LIMS1: variants seen among roughly 807,000 people sequenced by gnomAD.
LIMS1 encodes the protein LIM and senescent cell antigen-like-containing domain protein 1.
Under a neutral mutation model 44.1 loss-of-function variants are expected in LIMS1, and 18 were observed. The observed-to-expected ratio is 0.41, with a 90% CI of 0.28 to 0.61. The LOEUF (loss-of-function observed/expected upper bound fraction) is 0.61, where lower values mean the gene tolerates loss of function less well. Ranked by LOEUF, LIMS1 falls within the 20% of genes least tolerant of loss-of-function variation. LIMS1 has a pLI of 0.32. For missense variants in LIMS1, 201 were observed against 422.0 expected, an observed-to-expected ratio of 0.48 and a Z score of 4.59; for synonymous variants, 93 against 149.1, an observed-to-expected ratio of 0.62 and a Z score of 2.74.
chr2:108,548,343 T>C (rs1684559518), intron 1 of LIMS1, among the ~76,000 whole-genome samples: 1 of 152,188 alleles, frequency 6.6e-6, no homozygotes, highest in Admixed American at 6.5e-5. Context: ...AACTTTTTTG[T>C]CTTTTGGGCA....
chr2:108,595,324 A>G (rs1296260934), intron 1 of LIMS1, among the ~76,000 whole-genome samples: 2 of 152,102 alleles, frequency 1.3e-5, no homozygotes, highest in Non-Finnish European at 2.9e-5. Flanking sequence ...CCTTTTTCAG[A>G]TGAGGAGGTG....
chr2:108,548,742 T>C (rs1474484871), intron 1 of LIMS1, among the ~76,000 whole-genome samples: 1 of 152,232 alleles, frequency 6.6e-6, no homozygotes, highest in Non-Finnish European at 1.5e-5. Flanking sequence ...GATAATTTGC[T>C]CATTCATTTA....
At chr2:108,616,207 T>TTTC (rs1687923534) in intron 1 of LIMS1, among the ~76,000 whole-genome samples, 1 of 144,882 alleles carries the variant, frequency 6.9e-6, no homozygotes. Flanking sequence ...CTTTTTTTTT[T>TTTC]TTTTTTTTTT....
At chr2:108,544,923 A>C (rs1157343749) in intron 1 of LIMS1, among the ~76,000 whole-genome samples, 2 of 152,220 alleles carry the variant, frequency 1.3e-5, no homozygotes, top group African/African-American at 4.8e-5. Context: ...TCTTCAAAAA[A>C]CTGTTTAAAC....
At chr2:108,558,256 C>T (rs1684991168) in intron 1 of LIMS1, among the ~76,000 whole-genome samples, 1 of 149,364 alleles carries the variant, frequency 6.7e-6, no homozygotes. Context: ...CTTGTTCTGT[C>T]GCCCAGGCTG....
chr2:108,550,522 T>A (rs1684646816), intron 1 of LIMS1, among the ~76,000 whole-genome samples: 4 of 132,510 alleles, frequency 3.0e-5, no homozygotes, highest in Non-Finnish European at 4.8e-5. Context: ...TAAAAAAAAA[T>A]AAATAAATAA....
At chr2:108,674,251 A>G (rs11687820) in intron 5 of LIMS1, among the ~76,000 whole-genome samples, 51,598 of 151,848 alleles carry the variant, frequency 0.34, 9,416 homozygotes, top group Middle Eastern at 0.51. Flanking sequence ...AATGGCAGGA[A>G]CCCGGAAGGC....
At chr2:108,609,965 A>G (rs959755702) in intron 1 of LIMS1, among the ~76,000 whole-genome samples, 2 of 152,004 alleles carry the variant, frequency 1.3e-5, no homozygotes, top group Non-Finnish European at 2.9e-5. Flanking sequence ...ACATGGTGAA[A>G]CCCTGTCTCT....
intron 6 of LIMS1, 52 bp downstream of exon 6, chr2:108,676,080 AG>A: frequency 1.3e-6 from 2 of 1,539,360 alleles, no homozygotes; most frequent in Non-Finnish European, 1.8e-6. Flanking sequence ...TCCATGATTA[AG>A]GGGTAACCAA....
intron 1 of LIMS1, among the ~76,000 whole-genome samples, chr2:108,583,334 C>T (rs1200635514): frequency 2.0e-5 from 3 of 152,174 alleles, no homozygotes; most frequent in East Asian, 1.9e-4. Flanking sequence ...TAAATCACCA[C>T]GCCTGGCCCA....
intron 1 of LIMS1, among the ~76,000 whole-genome samples, chr2:108,624,803 G>T (rs1573480108): frequency 1.4e-5 from 2 of 145,332 alleles, no homozygotes; most frequent in Admixed American, 6.9e-5. Context: ...GGTAGGCCGG[G>T]TGCGGTGGCT....
At chr2:108,665,459 C>A (rs550693912) in intron 2 of LIMS1, among the ~76,000 whole-genome samples, 1 of 152,200 alleles carries the variant, frequency 6.6e-6, no homozygotes, top group Non-Finnish European at 1.5e-5. Flanking sequence ...CGGATGACTG[C>A]ATATGCTGAA....
At chr2:108,534,498 G>A (rs1684046268) in exon 1 of LIMS1, 2 of 1,156,776 alleles carry the variant, frequency 1.7e-6, no homozygotes, top group Non-Finnish European at 2.2e-6. Flanking sequence ...CGAGGGACTA[G>A]GACGCGGCTG....
intron 1 of LIMS1, among the ~76,000 whole-genome samples, chr2:108,552,135 C>G (rs1032377549): frequency 6.9e-6 from 1 of 144,334 alleles, no homozygotes; most frequent in Non-Finnish European, 1.5e-5. Flanking sequence ...ACTATATATA[C>G]TTAACTATAT....
chr2:108,637,099 A>ATGTGTG (rs74315160), intron 1 of LIMS1, among the ~76,000 whole-genome samples: 3,692 of 98,402 alleles, frequency 0.038, 64 homozygotes, highest in Middle Eastern at 0.064. Context: ...ATATACATAT[A>ATGTGTG]TGTGTGTGTG....
chr2:108,655,048 T>C, intron 1 of LIMS1: 1 of 1,611,858 alleles, frequency 6.2e-7, no homozygotes, highest in Middle Eastern at 2.3e-4. Flanking sequence ...TTCTCGTCCC[T>C]GTGCTCAGAG....
At chr2:108,618,823 CAAA>C (rs36086497) in intron 1 of LIMS1, among the ~76,000 whole-genome samples, 21 of 85,688 alleles carry the variant, frequency 2.5e-4, no homozygotes, top group South Asian at 4.0e-4. Context: ...GACTCCGTCT[CAAA>C]AAAAAAAAAA....
intron 1 of LIMS1, chr2:108,607,319 T>A: frequency 1.4e-6 from 2 of 1,443,724 alleles, no homozygotes; most frequent in South Asian, 1.2e-5. Flanking sequence ...AGAACATAAT[T>A]GAGCACACCA....
chr2:108,551,489 GCGCACACACACACA>G lies in LIMS1; in HGVS notation c.32+16897_32+16910del, dbSNP rs1172465480. Among the ~76,000 whole-genome samples, 44 of 111,968 alleles carry G rather than the reference GCGCACACACACACA, an allele frequency of 3.9e-4. 1 individual carries two copies. In the East Asian group the frequency reaches 5.4e-3, roughly 14 times the overall value. 73.5% of individuals were successfully genotyped at this position (111,968 alleles called of 152,430 possible). On this transcript the variant is annotated intron_variant, in intron 1 of 9. Coordinates refer to ENST00000544547, the Ensembl canonical transcript of LIMS1. ...ACTCTATATACATATATGCGCGCGCGCGCACACACACACACACACACACACACACACACACACAC... is the reference window on the plus strand; with the variant it reads ...ACTCTATATACATATATGCGCGCGCGCACACACACACACACACACACACAC...
Sources: gnomAD v4.1 joint callset for allele counts (sites outside exome capture counted in the v4.1 genomes callset) on GRCh38, gnomAD v4.1.1 for gene constraint, MANE v1.5 for transcripts, NCBI Gene and HGNC (gene_info 2026-07-23, HGNC 2026-07-21) for gene names.